The following NAV2 variants were observed in gnomAD, a reference collection of about 807,000 sequenced individuals.
The protein encoded by NAV2 is helicase, APC down-regulated 1.
In NAV2, 54 loss-of-function variants were observed where a neutral mutation model predicts 223.2. The observed-to-expected ratio is 0.24, with a 90% CI of 0.19 to 0.30. NAV2 has a LOEUF of 0.30. NAV2 is among the 10% of genes least tolerant of loss of function. NAV2 has a pLI of 1.00. For missense variants in NAV2, 2,806 were observed against 3,147.5 expected, an observed-to-expected ratio of 0.89 and a Z score of 2.60; for synonymous variants, 1,279 against 1,239.3, an observed-to-expected ratio of 1.03 and a Z score of -0.67.
At chr11:19,679,833 A>G (rs7479236) in intron 1 of NAV2, among the ~76,000 whole-genome samples, 112,966 of 152,150 alleles carry the variant, frequency 0.74, 46,165 homozygotes, top group Non-Finnish European at 0.91. Context: ...TTGGATTTCC[A>G]GTATCTAACA....
At chr11:19,898,121 T>C (rs2042151041) in intron 6 of NAV2, among the ~76,000 whole-genome samples, 1 of 152,042 alleles carries the variant, frequency 6.6e-6, no homozygotes, top group South Asian at 2.1e-4. Flanking sequence ...TTGGTCCATA[T>C]TATGAATTTG....
At chr11:19,716,619 T>A (rs2050335491) in intron 1 of NAV2, among the ~76,000 whole-genome samples, 1 of 152,142 alleles carries the variant, frequency 6.6e-6, no homozygotes, top group Non-Finnish European at 1.5e-5. Flanking sequence ...ACCTTTCTAG[T>A]ACAGTACCAG....
chr11:20,109,015 G>A (rs989043937), intron 36 of NAV2, among the ~76,000 whole-genome samples: 1 of 152,200 alleles, frequency 6.6e-6, no homozygotes, highest in Non-Finnish European at 1.5e-5. Context: ...TCGTAGGCCT[G>A]TGGAGGGTGC....
chr11:19,404,108 C>T (rs777261494), intron 1 of NAV2, among the ~76,000 whole-genome samples: 154 of 152,152 alleles, frequency 1.0e-3, no homozygotes, highest in South Asian at 1.0e-3. Flanking sequence ...AAGGTGGAGG[C>T]CTTGAGTACA....
chr11:19,460,296 G>A (rs1364612190), intron 1 of NAV2, among the ~76,000 whole-genome samples: 2 of 152,120 alleles, frequency 1.3e-5, no homozygotes, highest in Non-Finnish European at 2.9e-5. Flanking sequence ...TCAGAGATCT[G>A]GGTCAAATCC....
chr11:19,839,007 T>A (rs1034351676), intron 2 of NAV2, among the ~76,000 whole-genome samples: 2 of 152,224 alleles, frequency 1.3e-5, no homozygotes, highest in African/African-American at 4.8e-5. Context: ...AGTGGGATTG[T>A]TTGCGACTTT....
intron 1 of NAV2, among the ~76,000 whole-genome samples, chr11:19,383,930 C>G (rs1444619461): frequency 6.6e-6 from 1 of 152,116 alleles, no homozygotes; most frequent in African/African-American, 2.4e-5. Context: ...AGATTTAGCT[C>G]TTAAAATGTT....
intron 36 of NAV2, among the ~76,000 whole-genome samples, chr11:20,108,500 T>G (rs1021178130): frequency 2.0e-5 from 3 of 152,168 alleles, no homozygotes; most frequent in East Asian, 3.9e-4. Context: ...TGGAGTACAG[T>G]GGCACAATCT....
rs2047796259 is a variant in NAV2 at position 19,645,668 on chromosome 11, A to G, written c.76-186816A>G. On this transcript the variant is annotated intron_variant, in intron 1 of 37. Coordinates refer to the NAV2 transcript ENST00000360655. ...AACTAAAACTTACTGAGCTTTTACTATAGGCCAGGCACTTGCTATATGATT... is the reference window on the plus strand; with the variant it reads ...AACTAAAACTTACTGAGCTTTTACTGTAGGCCAGGCACTTGCTATATGATT... Among the ~76,000 whole-genome samples the G allele has an allele frequency of 5.3e-5, 8 of 152,136 alleles. No individual in the cohort carries two copies. The South Asian group carries it at 1.5e-3, about 28-fold the overall frequency.
intron 1 of NAV2, among the ~76,000 whole-genome samples, chr11:19,593,288 A>G (rs1216754774): frequency 3.3e-5 from 5 of 152,150 alleles, no homozygotes; most frequent in Admixed American, 2.6e-4. Flanking sequence ...TTTCCCACTC[A>G]GCATAATGTC....
At position 19,919,072 on chromosome 11, in the gene NAV2, G is replaced by GA. The variant is rs200729662; in HGVS notation, c.932-14097dup. Among the ~76,000 whole-genome samples the GA allele has an allele frequency of 7.2e-3, 1,095 of 152,090 alleles. 21 individuals carry two copies. Among genetic ancestry groups the GA allele is most frequent in the South Asian group, 0.067 (323 of 4,808 alleles). Reference sequence around the variant, plus strand: ...GATGGGATGAGATAGGGTGATTGGAGAAAAAAACATGCAACGTTGTGGTTA... The same window carrying GA: ...GATGGGATGAGATAGGGTGATTGGAGAAAAAAAACATGCAACGTTGTGGTTA... On this transcript the variant is annotated intron_variant, in intron 6 of 37. Transcript: ENST00000349880.
At chr11:19,787,009 C>G (rs1239548608) in intron 1 of NAV2, among the ~76,000 whole-genome samples, 1 of 151,918 alleles carries the variant, frequency 6.6e-6, no homozygotes, top group Non-Finnish European at 1.5e-5. Context: ...ATAACAAGAC[C>G]CCATATTTTT....
intron 1 of NAV2, among the ~76,000 whole-genome samples, chr11:19,669,693 A>T (rs949955150): frequency 2.6e-5 from 4 of 152,232 alleles, no homozygotes; most frequent in Non-Finnish European, 5.9e-5. Flanking sequence ...CACCTGGCTG[A>T]GTGGTTTGAG....
chr11:19,990,608 T>C (rs2051238199), intron 11 of NAV2, among the ~76,000 whole-genome samples: 1 of 152,016 alleles, frequency 6.6e-6, no homozygotes, highest in Admixed American at 6.6e-5. Context: ...GCAAAGGTGA[T>C]CTCTCCTCTT....
intron 6 of NAV2, among the ~76,000 whole-genome samples, chr11:19,913,361 C>T (rs920566080): frequency 6.6e-6 from 1 of 152,152 alleles, no homozygotes; most frequent in Non-Finnish European, 1.5e-5. Context: ...ATCCCATCAG[C>T]CCCACATCCT....
intron 22 of NAV2, among the ~76,000 whole-genome samples, chr11:20,069,808 A>G (rs2059286336): frequency 6.6e-6 from 1 of 152,130 alleles, no homozygotes; most frequent in African/African-American, 2.4e-5. Context: ...AGTCCCCCAC[A>G]TCAGTCATTC....
intron 18 of NAV2, among the ~76,000 whole-genome samples, chr11:20,054,545 C>T (rs963517986): frequency 6.6e-6 from 1 of 152,072 alleles, no homozygotes; most frequent in Non-Finnish European, 1.5e-5. Context: ...ATACTGTAAT[C>T]AATAATTTTC....
At chr11:19,967,115 G>A (rs899033464) in intron 10 of NAV2, among the ~76,000 whole-genome samples, 3 of 152,144 alleles carry the variant, frequency 2.0e-5, no homozygotes, top group African/African-American at 7.2e-5. Context: ...GGAAACTGAG[G>A]ATGACAGAAG....
chr11:20,035,860 T>C (rs2056308258), intron 11 of NAV2, 99 bp from the exon 12 acceptor site: 8 of 1,414,754 alleles, frequency 5.7e-6, no homozygotes, highest in East Asian at 2.3e-5. Context: ...ATGGCACAGA[T>C]TGGATCTTTT....
Sources: allele counts gnomAD v4.1 joint callset (sites outside exome capture counted in the v4.1 genomes callset), GRCh38; gene constraint gnomAD v4.1.1; transcripts MANE v1.5; gene names NCBI Gene and HGNC (gene_info 2026-07-23, HGNC 2026-07-21).